Variants in PCDH11X observed in about 807,000 individuals in gnomAD.
The protein encoded by PCDH11X is protocadherin-11 X-linked.
A neutral mutation model predicts 53.3 loss-of-function variants in PCDH11X; 18 were observed. That is an observed-to-expected ratio of 0.34 (90% CI 0.23 to 0.50). The LOEUF is 0.50. Ranked by LOEUF, PCDH11X falls within the 20% of genes least tolerant of loss-of-function variation. PCDH11X has a pLI of 0.98. For missense variants in PCDH11X, 570 were observed against 1,032.4 expected (o/e 0.55, Z 6.14); for synonymous variants, 279 against 393.3 (o/e 0.71, Z 3.44).
At chrX:92,325,235 A>G (rs1246738244) in intron 8 of PCDH11X, among the ~76,000 whole-genome samples, 3 of 110,734 alleles carry the variant, frequency 2.7e-5, no homozygotes, top group African/African-American at 9.8e-5. Context: ...GCAACATTCT[A>G]TGCCCAAGAA....
At chrX:92,382,545 T>C (rs1471181115) in intron 8 of PCDH11X, among the ~76,000 whole-genome samples, 20 of 110,765 alleles carry the variant, frequency 1.8e-4, no homozygotes, top group Non-Finnish European at 3.0e-4. Flanking sequence ...CTTCATGAGG[T>C]TTAATGGACA....
chrX:92,034,370 G>T (rs917548366), intron 6 of PCDH11X, among the ~76,000 whole-genome samples: 9 of 108,475 alleles, frequency 8.3e-5, no homozygotes, highest in African/African-American at 3.0e-4. Flanking sequence ...TTGTGTTGGG[G>T]TCTATTACTC....
chrX:92,286,920 T>C (rs1228210425), intron 8 of PCDH11X, among the ~76,000 whole-genome samples: 1 of 98,036 alleles, frequency 1.0e-5, no homozygotes, highest in Middle Eastern at 4.8e-3. Flanking sequence ...ACTGGGTTAT[T>C]GTAAGTTTTA....
At chrX:92,136,235 T>C (rs1462210289) in intron 6 of PCDH11X, among the ~76,000 whole-genome samples, 1 of 110,324 alleles carries the variant, frequency 9.1e-6, no homozygotes. Flanking sequence ...ATGTGGCTAT[T>C]TGGGGGAAGC....
chrX:92,058,519 G>A (rs978533756), intron 6 of PCDH11X, among the ~76,000 whole-genome samples: 2 of 111,446 alleles, frequency 1.8e-5, no homozygotes, highest in African/African-American at 6.5e-5. Context: ...ATGTAAAAAC[G>A]TATCTGCTTG....
At chrX:92,446,594 T>A (rs1158256868) in intron 9 of PCDH11X, among the ~76,000 whole-genome samples, 2 of 111,603 alleles carry the variant, frequency 1.8e-5, no homozygotes, top group Non-Finnish European at 3.8e-5. Context: ...CCTTCTACCA[T>A]AATTGTGAGG....
intron 4 of PCDH11X, among the ~76,000 whole-genome samples, chrX:91,814,687 T>C (rs1936400880): frequency 1.1e-5 from 1 of 92,417 alleles, no homozygotes; most frequent in Admixed American, 1.3e-4. Flanking sequence ...ATTATGTATT[T>C]ATGATTAAAC....
At chrX:92,472,179 C>T (rs951433130) in intron 10 of PCDH11X, among the ~76,000 whole-genome samples, 5 of 109,434 alleles carry the variant, frequency 4.6e-5, no homozygotes, top group African/African-American at 6.6e-5. Context: ...CTTTTGCCAG[C>T]GCCTGTATCC....
intron 8 of PCDH11X, among the ~76,000 whole-genome samples, chrX:92,302,434 A>G (rs1334573385): frequency 1.8e-5 from 2 of 110,516 alleles, no homozygotes; most frequent in Non-Finnish European, 3.8e-5. Flanking sequence ...TCATTTTCTG[A>G]CGCTTTAAAT....
intron 10 of PCDH11X, among the ~76,000 whole-genome samples, chrX:92,480,835 G>A (rs2073487625): frequency 1.8e-5 from 2 of 111,744 alleles, no homozygotes; most frequent in Admixed American, 1.9e-4. Context: ...GCATGTGCCA[G>A]CAGCAGTGAC....
At chrX:92,502,038 A>C (rs913335506) in intron 10 of PCDH11X, among the ~76,000 whole-genome samples, 13 of 111,146 alleles carry the variant, frequency 1.2e-4, no homozygotes, top group African/African-American at 4.3e-4. Flanking sequence ...ATATAAAATC[A>C]ATGTGCAAAA....
intron 6 of PCDH11X, among the ~76,000 whole-genome samples, chrX:92,087,175 A>T (rs768295151): frequency 1.4e-4 from 15 of 108,894 alleles, no homozygotes; most frequent in African/African-American, 4.3e-4. Context: ...GCTCACCACA[A>T]CCTCTGCCTC....
chrX:92,235,365 G>A (rs975345914), intron 7 of PCDH11X, among the ~76,000 whole-genome samples: 1 of 110,840 alleles, frequency 9.0e-6, no homozygotes. Context: ...TTCTTTAAGA[G>A]TTTTGACAAA....
rs376352805 is a variant in PCDH11X at position 92,216,695 on chromosome X, T to C, written c.3114+15240T>C. 5.3e-4 allele frequency among the ~76,000 whole-genome samples: 36 copies of C among 67,797 alleles called. No individual in the cohort carries two copies. The East Asian group carries it at 0.012, about 22-fold the overall frequency. The allele number at this position is 67,797 out of a possible 115,157, so 58.9% of individuals were successfully genotyped here. ...GACCAACATTCAGATTCAGGAAATA[T>C]AGAGAATGCCACAAAGATACTCCTC... On this transcript the variant is annotated intron_variant, in intron 7 of 10. Coordinates refer to ENST00000682573, the MANE Select transcript of PCDH11X (RefSeq NM_032968.5).
intron 9 of PCDH11X, among the ~76,000 whole-genome samples, chrX:92,443,748 G>A (rs1446815624): frequency 1.8e-5 from 2 of 111,587 alleles, no homozygotes; most frequent in East Asian, 5.6e-4. Flanking sequence ...CATGTGGCTA[G>A]CCAGCTATCT....
At chrX:92,284,132 A>G (rs1190967423) in intron 8 of PCDH11X, among the ~76,000 whole-genome samples, 1 of 109,311 alleles carries the variant, frequency 9.1e-6, no homozygotes, top group African/African-American at 3.3e-5. Flanking sequence ...TTGATACTCA[A>G]TGTAGCCAAT....
intron 6 of PCDH11X, among the ~76,000 whole-genome samples, chrX:91,903,157 T>A (rs1291887862): frequency 9.0e-6 from 1 of 110,860 alleles, no homozygotes; most frequent in Non-Finnish European, 1.9e-5. Context: ...AACACAAGAG[T>A]AGCATTTATT....
At chrX:91,875,614 C>T (rs1939573152) in intron 5 of PCDH11X, among the ~76,000 whole-genome samples, 2 of 110,104 alleles carry the variant, frequency 1.8e-5, no homozygotes, top group South Asian at 7.7e-4. Context: ...TTTAAATATT[C>T]CCATACTGTG....
At chrX:92,049,796 T>C (rs2063341119) in intron 6 of PCDH11X, among the ~76,000 whole-genome samples, 2 of 111,509 alleles carry the variant, frequency 1.8e-5, no homozygotes, top group South Asian at 7.5e-4. Context: ...TTTCTTGACA[T>C]GGAGTCTCGC....
Sources: gnomAD v4.1 joint callset for allele counts (sites outside exome capture counted in the v4.1 genomes callset) on GRCh38, gnomAD v4.1.1 for gene constraint, MANE v1.5 for transcripts, NCBI Gene and HGNC (gene_info 2026-07-23, HGNC 2026-07-21) for gene names.